ITGA4: variants seen among roughly 807,000 people sequenced by gnomAD.
ITGA4 encodes the protein integrin subunit alpha 4.
A neutral mutation model predicts 133.6 loss-of-function variants in ITGA4; 63 were observed. The observed-to-expected ratio is 0.47, with a 90% CI of 0.38 to 0.58. The LOEUF is 0.58. ITGA4 is among the 20% of genes least tolerant of loss of function. The pLI is 0.00. For missense variants in ITGA4, 1,076 were observed against 1,252.7 expected, an observed-to-expected ratio of 0.86 and a Z score of 2.13; for synonymous variants, 483 against 438.0, an observed-to-expected ratio of 1.10 and a Z score of -1.28.
chr2:181,534,244 C>CTA, intron 25 of ITGA4, 28 bp from the exon 26 acceptor site: 1 of 1,299,604 alleles, frequency 7.7e-7, no homozygotes, highest in East Asian at 2.3e-5. Context: ...ATAAACCAGG[C>CTA]TATGGTGATC....
Position 181,537,260 on chromosome 2 carries a change from T to TCCTACTCAGAACTACTCA in ITGA4, c.*1734_*1751dup. 2.2e-6 allele frequency: 1 copy of TCCTACTCAGAACTACTCA among 453,854 alleles called. No homozygotes were observed. Among genetic ancestry groups the TCCTACTCAGAACTACTCA allele is most frequent in the South Asian group, 1.6e-5 (1 of 64,456 alleles). 28.1% of individuals were successfully genotyped at this position (453,854 alleles called of 1,614,324 possible). A position where few individuals can be genotyped will look rare whatever the true frequency, so the allele number is the denominator to read the frequency against. ...CTAAGGAAATTTACATTTGGTTCTT[T>TCCTACTCAGAACTACTCA]CCTACTCAGAACTACTCAGAAACAA... On this transcript the variant is annotated 3_prime_UTR_variant, in exon 28 of 28. Coordinates refer to ENST00000397033, the MANE Select transcript of ITGA4 (RefSeq NM_000885.6).
chr2:181,478,442 T>C (rs1685730893), intron 4 of ITGA4, among the ~76,000 whole-genome samples: 1 of 152,050 alleles, frequency 6.6e-6, no homozygotes, highest in Non-Finnish European at 1.5e-5. Flanking sequence ...ACCTTAGATA[T>C]ACACAGTAAA....
intron 16 of ITGA4, among the ~76,000 whole-genome samples, chr2:181,510,922 A>G (rs1674226844): frequency 6.6e-6 from 1 of 152,042 alleles, no homozygotes; most frequent in Admixed American, 6.6e-5. Flanking sequence ...GGCAGAAAAA[A>G]AAATCATATT....
At chr2:181,533,791 C>G (rs192549008) in intron 25 of ITGA4, among the ~76,000 whole-genome samples, 1 of 152,100 alleles carries the variant, frequency 6.6e-6, no homozygotes, top group Admixed American at 6.6e-5. Flanking sequence ...AAAACATCTC[C>G]TAAAGATTCT....
intron 2 of ITGA4, among the ~76,000 whole-genome samples, chr2:181,473,039 G>T (rs967327088): frequency 2.0e-5 from 3 of 152,222 alleles, no homozygotes; most frequent in African/African-American, 7.2e-5. Context: ...TTACCAGTTA[G>T]TGGGGGTTGC....
intron 2 of ITGA4, 75 bp downstream of exon 2, chr2:181,458,392 G>A: frequency 6.5e-7 from 1 of 1,544,100 alleles, no homozygotes; most frequent in East Asian, 2.4e-5. Context: ...GCAAGTCCTG[G>A]AAAGATTCAC....
chr2:181,457,984 C>T lies in ITGA4; in HGVS notation c.197+133C>T, dbSNP rs532730110. 4.2e-5 allele frequency: 47 copies of T among 1,127,160 alleles called. No individual in the cohort carries two copies. The South Asian group carries it at 6.7e-4, about 16-fold the overall frequency. The allele number at this position is 1,127,160 out of a possible 1,614,324, so 69.8% of individuals were successfully genotyped here. ...GAGGGAAACGCTGCGAGAGCCAGCT[C>T]GCTGGAAATCTGCCAGGGAAACTAA... On this transcript the variant is annotated intron_variant, in intron 1 of 27. Coordinates refer to ENST00000397033, the MANE Select transcript of ITGA4 (RefSeq NM_000885.6).
At position 181,495,557 on chromosome 2, in the gene ITGA4, A is replaced by AT. The variant is rs569293803; in HGVS notation, c.1385+148dup. Reference sequence around the variant, plus strand: ...AAGCTTAATTATTGATTTTTAGGGTATTTTTTTCACCTTACAGAGATATAA... The same window carrying AT: ...AAGCTTAATTATTGATTTTTAGGGTATTTTTTTTCACCTTACAGAGATATAA... On this transcript the variant is annotated intron_variant, in intron 13 of 27. Coordinates refer to ENST00000397033, the MANE Select transcript of ITGA4 (RefSeq NM_000885.6). The surrounding 1 kb of genome is among the most constrained non-coding windows in gnomAD (Gnocchi z 4.3). 13 of 745,114 alleles carry AT rather than the reference A, an allele frequency of 1.7e-5. No individual in the cohort carries two copies. Among genetic ancestry groups the AT allele is most frequent in the Admixed American group, 2.5e-5 (1 of 40,246 alleles). 46.2% of individuals were successfully genotyped at this position (745,114 alleles called of 1,614,324 possible).
intron 22 of ITGA4, among the ~76,000 whole-genome samples, chr2:181,528,553 G>A (rs188256810): frequency 6.6e-6 from 1 of 152,324 alleles, no homozygotes; most frequent in East Asian, 1.9e-4. Flanking sequence ...GCAAACAGAT[G>A]TTTGTGATTT....
chr2:181,496,051 G>A, intron 14 of ITGA4, 114 bp downstream of exon 14: 1 of 1,045,634 alleles, frequency 9.6e-7, no homozygotes, highest in East Asian at 2.4e-5. Flanking sequence ...TTAGAGCGGG[G>A]GAGAGAAGCT....
chr2:181,480,543 A>C (rs1685779178), intron 6 of ITGA4, among the ~76,000 whole-genome samples: 1 of 152,186 alleles, frequency 6.6e-6, no homozygotes, highest in Non-Finnish European at 1.5e-5. Context: ...AGGAAACACT[A>C]GTAAGTTTCT....
intron 25 of ITGA4, 78 bp from the exon 26 acceptor site, chr2:181,534,194 G>C (rs1687003295): frequency 1.3e-5 from 11 of 874,036 alleles, no homozygotes; most frequent in Non-Finnish European, 2.0e-5. Context: ...AAAACCTCTA[G>C]CTAGAAGGTA....
chr2:181,467,651 G>A (rs1685452176), intron 2 of ITGA4, among the ~76,000 whole-genome samples: 1 of 152,130 alleles, frequency 6.6e-6, no homozygotes, highest in African/African-American at 2.4e-5. Flanking sequence ...CGATTGTACA[G>A]TCTGTGGGCA....
At chr2:181,527,916 G>A (rs918309597) in intron 22 of ITGA4, among the ~76,000 whole-genome samples, 2 of 152,066 alleles carry the variant, frequency 1.3e-5, no homozygotes, top group Non-Finnish European at 2.9e-5. Context: ...GAGTACTATC[G>A]TAATTCAGAA....
intron 21 of ITGA4, among the ~76,000 whole-genome samples, chr2:181,526,182 C>T (rs1009662164): frequency 2.0e-5 from 3 of 152,134 alleles, no homozygotes; most frequent in Non-Finnish European, 4.4e-5. Flanking sequence ...TAGAGAATCA[C>T]GAGTAAGCAA....
At chr2:181,477,434 T>C (rs1222520201) in intron 4 of ITGA4, among the ~76,000 whole-genome samples, 1 of 152,090 alleles carries the variant, frequency 6.6e-6, no homozygotes, top group East Asian at 1.9e-4. Context: ...GTCTGCAGAA[T>C]GGGAAATAAT....
chr2:181,486,530 C>T (rs947465661), intron 10 of ITGA4, among the ~76,000 whole-genome samples: 3 of 152,286 alleles, frequency 2.0e-5, no homozygotes, highest in South Asian at 2.1e-4. Context: ...AGAAGAGATT[C>T]TGAGCAGGCC....
Position 181,538,710 on chromosome 2 carries a change from AAACTAAGATGGAAGGAT to A in ITGA4, c.*3186_*3202del, listed in dbSNP as rs879278109. 6.6e-6 allele frequency among the ~76,000 whole-genome samples: 1 copy of A among 152,186 alleles called. No homozygotes were observed. Among genetic ancestry groups the A allele is most frequent in the Non-Finnish European group, 1.5e-5 (1 of 68,026 alleles). ...TGTTACAGTAATTATGAGTGAGAGGAAACTAAGATGGAAGGATAAAAATCTAACACTTTACTATTCAG... is the reference window on the plus strand; with the variant it reads ...TGTTACAGTAATTATGAGTGAGAGGAAAAAATCTAACACTTTACTATTCAG... On this transcript the variant is annotated 3_prime_UTR_variant, in exon 28 of 28. Transcript: ENST00000397033.
At chr2:181,493,483 G>C in intron 11 of ITGA4, 64 bp downstream of exon 11, 1 of 906,394 alleles carries the variant, frequency 1.1e-6, no homozygotes, top group East Asian at 2.7e-5. Context: ...AAACTTCCAG[G>C]GTTTATGTGG....
Sources: gnomAD v4.1 joint callset for allele counts (sites outside exome capture counted in the v4.1 genomes callset) on GRCh38, gnomAD v4.1.1 for gene constraint, Gnocchi (gnomAD v3.1) non-coding constraint, MANE v1.5 for transcripts, NCBI Gene and HGNC (gene_info 2026-07-23, HGNC 2026-07-21) for gene names.